POLA1: variants seen among roughly 807,000 people sequenced by gnomAD.
POLA1 encodes DNA polymerase alpha catalytic subunit.
In POLA1, 15 loss-of-function variants were observed where a neutral mutation model predicts 124.0. The ratio of observed to expected loss-of-function variants is 0.12; its 90% CI spans 0.08 to 0.19. The LOEUF (loss-of-function observed/expected upper bound fraction) is 0.19, where lower values mean the gene tolerates loss of function less well. Ranked by LOEUF, POLA1 falls within the 10% of genes least tolerant of loss-of-function variation. The pLI is 1.00. For synonymous variants in POLA1, 408 were observed against 389.4 expected (o/e 1.05, Z -0.56); for missense variants, 886 against 1,103.4 (o/e 0.80, Z 2.79).
intron 20 of POLA1, among the ~76,000 whole-genome samples, chrX:24,740,316 A>G (rs1602312233): frequency 9.0e-6 from 1 of 111,591 alleles, no homozygotes; most frequent in East Asian, 2.8e-4. Flanking sequence ...AGGGTATCCT[A>G]TCAGTTCTAT....
At chrX:24,828,810 G>A (rs1196277052) in intron 32 of POLA1, among the ~76,000 whole-genome samples, 2 of 111,627 alleles carry the variant, frequency 1.8e-5, no homozygotes, top group Non-Finnish European at 3.8e-5. Context: ...GATGGAGCCT[G>A]CTTGGGTGGA....
intron 26 of POLA1, among the ~76,000 whole-genome samples, chrX:24,785,896 ACT>A (rs1339443397): frequency 2.7e-5 from 3 of 111,147 alleles, no homozygotes; most frequent in Non-Finnish European, 3.8e-5. Flanking sequence ...CCACTCTTCT[ACT>A]CTCTGCTTCT....
intron 34 of POLA1, among the ~76,000 whole-genome samples, chrX:24,879,795 C>CA (rs1483541300): frequency 9.0e-6 from 1 of 111,728 alleles, no homozygotes; most frequent in Non-Finnish European, 1.9e-5. Flanking sequence ...CTTTTTTCCC[C>CA]AAAATGTAAT....
chrX:24,961,938 G>A (rs994606739), intron 36 of POLA1, among the ~76,000 whole-genome samples: 1 of 111,846 alleles, frequency 8.9e-6, no homozygotes, highest in African/African-American at 3.2e-5. Flanking sequence ...ACAGGGGAAA[G>A]AGCATTGTGA....
At chrX:24,799,686 T>C (rs2045672461) in intron 26 of POLA1, among the ~76,000 whole-genome samples, 1 of 111,799 alleles carries the variant, frequency 8.9e-6, no homozygotes, top group Non-Finnish European at 1.9e-5. Flanking sequence ...TGTCCCAAAA[T>C]AGAAAGGCTA....
At chrX:24,808,628 G>A (rs1005849797) in intron 26 of POLA1, among the ~76,000 whole-genome samples, 10 of 111,156 alleles carry the variant, frequency 9.0e-5, no homozygotes, top group African/African-American at 3.3e-4. Context: ...GTAGGAGAAA[G>A]GGCTTCCTTG....
chrX:24,702,084 T>C (rs1483726779), intron 2 of POLA1, among the ~76,000 whole-genome samples: 1 of 101,148 alleles, frequency 9.9e-6, no homozygotes, highest in Admixed American at 1.1e-4. Context: ...TTTTTTGAGA[T>C]GGAGACTCGG....
At chrX:24,732,593 TTTTTTG>T (rs1930986812) in intron 16 of POLA1, 139 bp downstream of exon 16, 1 of 334,338 alleles carries the variant, frequency 3.0e-6, no homozygotes, top group East Asian at 4.7e-5. Flanking sequence ...GGTTTTGTTT[TTTTTTG>T]TTTTTTTTTT....
At chrX:24,793,071 G>A (rs898730633) in intron 26 of POLA1, among the ~76,000 whole-genome samples, 1 of 110,014 alleles carries the variant, frequency 9.1e-6, no homozygotes, top group Non-Finnish European at 1.9e-5. Flanking sequence ...GAGATCAGGA[G>A]TTCAAGACCA....
intron 34 of POLA1, among the ~76,000 whole-genome samples, chrX:24,885,639 G>T: frequency 9.0e-6 from 1 of 110,961 alleles, no homozygotes; most frequent in Non-Finnish European, 1.9e-5. Flanking sequence ...GGTTCAAGCA[G>T]TCAGCCTCCC....
chrX:24,716,718 AT>A (rs1440678844), intron 7 of POLA1, among the ~76,000 whole-genome samples, 165 bp from the exon 8 acceptor site: 1 of 112,068 alleles, frequency 8.9e-6, no homozygotes, highest in Non-Finnish European at 1.9e-5. Context: ...AGAAGCAAGT[AT>A]TTTTTTGTAA....
chrX:24,936,183 A>G (rs770849517), intron 36 of POLA1, among the ~76,000 whole-genome samples: 2 of 112,412 alleles, frequency 1.8e-5, no homozygotes, highest in African/African-American at 6.5e-5. Context: ...TAGTACTGAA[A>G]AGGGTCTTAA....
At chrX:24,857,834 T>TA (rs1266696020) in intron 34 of POLA1, among the ~76,000 whole-genome samples, 3 of 111,759 alleles carry the variant, frequency 2.7e-5, no homozygotes, top group Non-Finnish European at 5.7e-5. Flanking sequence ...GTAAAATTCT[T>TA]AGATTTACAT....
rs780425312 is a variant in POLA1 at position 24,741,446 on chromosome X, G to A, written c.2288G>A (p.Cys763Tyr). 1.3e-5 allele frequency: 15 copies of A among 1,196,458 alleles called. No individual in the cohort carries two copies. In the South Asian group the frequency reaches 2.7e-4, roughly 21 times the overall value. ...GCCAAGTTCATTTTGCAGATCATGT[G>A]TGAGCTAAATGTTCTTCCATTAGCA... is the stretch of plus-strand genomic sequence containing the variant. ...KDAKFILQIM[C>Y]ELNVLPLALQ... The change falls in exon 21 of 37, where the codon TGT becomes TAT. Residue 763 changes from cysteine to tyrosine, a missense_variant. Physicochemically the swap from Cys to Tyr is radical, Grantham distance 194. This residue lies in a region of POLA1 where 182 missense variants were observed against 252.8 expected (regional missense o/e 0.72). Transcript: ENST00000379068.
At chrX:24,848,713 C>T (rs1490227577) in intron 34 of POLA1, among the ~76,000 whole-genome samples, 1 of 111,646 alleles carries the variant, frequency 9.0e-6, no homozygotes, top group African/African-American at 3.3e-5. Context: ...TTCATGGCTC[C>T]CAACAATACT....
At chrX:24,968,693 A>G (rs762779304) in intron 36 of POLA1, among the ~76,000 whole-genome samples, 2 of 87,554 alleles carry the variant, frequency 2.3e-5, no homozygotes, top group Admixed American at 2.7e-4. Context: ...ACAGAGCGAG[A>G]CTCCATCTCA....
chrX:24,958,556 A>G (rs2048133876), intron 36 of POLA1, among the ~76,000 whole-genome samples: 1 of 112,670 alleles, frequency 8.9e-6, no homozygotes, highest in African/African-American at 3.2e-5. Flanking sequence ...CCTTTGTATC[A>G]TAGAATATTG....
At chrX:24,901,219 G>A (rs745491823) in intron 35 of POLA1, among the ~76,000 whole-genome samples, 1 of 111,451 alleles carries the variant, frequency 9.0e-6, no homozygotes, top group Non-Finnish European at 1.9e-5. Context: ...ACTGGCACAA[G>A]TAGGGTTTGT....
intron 36 of POLA1, among the ~76,000 whole-genome samples, chrX:24,956,539 G>A (rs1361734181): frequency 9.1e-6 from 1 of 110,114 alleles, no homozygotes; most frequent in Non-Finnish European, 1.9e-5. Flanking sequence ...AAGACTCCCT[G>A]ACCAAAGAAG....
Sources: gnomAD v4.1 joint callset for allele counts (sites outside exome capture counted in the v4.1 genomes callset) on GRCh38, gnomAD v4.1.1 for gene constraint, gnomAD v4.1.1 regional missense constraint, MANE v1.5 for transcripts, NCBI Gene and HGNC (gene_info 2026-07-23, HGNC 2026-07-21) for gene names.